Variants in LRMDA observed in about 807,000 individuals in gnomAD.
The protein encoded by LRMDA is leucine rich melanocyte differentiation associated, also known as leucine-rich melanocyte differentiation-associated protein.
LRMDA carries 18 observed loss-of-function variants against 29.8 expected under a neutral mutation model. The observed-to-expected ratio is 0.60, with a 90% CI of 0.42 to 0.90. The LOEUF is 0.90. LRMDA is among the 40% of genes least tolerant of loss of function. The probability of loss-of-function intolerance (pLI) is 0.00; values close to 1 mark genes in which losing one functional copy is unlikely to be tolerated. For synonymous variants in LRMDA, 125 were observed against 109.4 expected, an observed-to-expected ratio of 1.14 and a Z score of -0.89; for missense variants, 273 against 273.9, an observed-to-expected ratio of 1.00 and a Z score of 0.02.
At chr10:75,470,199 C>A (rs1308507786) in intron 2 of LRMDA, among the ~76,000 whole-genome samples, 1 of 152,100 alleles carries the variant, frequency 6.6e-6, no homozygotes, top group African/African-American at 2.4e-5. Context: ...CAGTGAAGAT[C>A]AAAACATAAA....
At chr10:76,073,373 A>G (rs1400303803) in intron 5 of LRMDA, among the ~76,000 whole-genome samples, 1 of 152,122 alleles carries the variant, frequency 6.6e-6, no homozygotes, top group African/African-American at 2.4e-5. Flanking sequence ...TGATGTGTTT[A>G]ATGTTTTACT....
chr10:75,695,404 T>C (rs1045243387), intron 2 of LRMDA, among the ~76,000 whole-genome samples: 1 of 152,130 alleles, frequency 6.6e-6, no homozygotes, highest in Non-Finnish European at 1.5e-5. Context: ...AGTTTTTTTT[T>C]TGCTTCTTAA....
At chr10:76,440,173 C>T (rs544997018) in intron 6 of LRMDA, among the ~76,000 whole-genome samples, 1 of 152,146 alleles carries the variant, frequency 6.6e-6, no homozygotes, top group Non-Finnish European at 1.5e-5. Flanking sequence ...GCAATGAGGG[C>T]AAAGAGAGTG....
At chr10:75,856,206 G>A (rs989128459) in intron 2 of LRMDA, among the ~76,000 whole-genome samples, 6 of 152,120 alleles carry the variant, frequency 3.9e-5, no homozygotes, top group African/African-American at 1.4e-4. Context: ...AGCATGGAAT[G>A]TTCTTCCATT....
chr10:76,008,082 G>A (rs1346745182), intron 2 of LRMDA, among the ~76,000 whole-genome samples: 1 of 152,066 alleles, frequency 6.6e-6, no homozygotes, highest in Non-Finnish European at 1.5e-5. Context: ...CTGCAGCATT[G>A]CCTCTAGGAT....
chr10:75,899,418 A>G (rs565308064), intron 2 of LRMDA, among the ~76,000 whole-genome samples: 9 of 152,336 alleles, frequency 5.9e-5, no homozygotes, highest in African/African-American at 2.2e-4. Flanking sequence ...CTACGTAAAG[A>G]CAAAGACTCA....
chr10:75,763,191 TC>T (rs1289927968), intron 2 of LRMDA, among the ~76,000 whole-genome samples: 5 of 152,226 alleles, frequency 3.3e-5, no homozygotes, highest in Non-Finnish European at 1.5e-5. Flanking sequence ...AAATCCAGTG[TC>T]CTTTGTTTCT....
chr10:76,190,284 A>G (rs1851221883), intron 5 of LRMDA, among the ~76,000 whole-genome samples: 1 of 147,624 alleles, frequency 6.8e-6, no homozygotes, highest in Non-Finnish European at 1.5e-5. Flanking sequence ...TTTCAAGCTG[A>G]ACAAGAATAC....
intron 2 of LRMDA, among the ~76,000 whole-genome samples, chr10:75,961,996 G>A (rs888986337): frequency 8.5e-5 from 13 of 152,138 alleles, no homozygotes; most frequent in African/African-American, 1.2e-4. Context: ...GCATCTCCCC[G>A]TGTGCATGTC....
At chr10:75,464,539 T>C (rs1844627799) in intron 2 of LRMDA, among the ~76,000 whole-genome samples, 1 of 152,232 alleles carries the variant, frequency 6.6e-6, no homozygotes, top group South Asian at 2.1e-4. Context: ...CTGTAGCTGA[T>C]ACTCATTTGG....
At chr10:75,900,640 A>G (rs1430009484) in intron 2 of LRMDA, among the ~76,000 whole-genome samples, 1 of 152,076 alleles carries the variant, frequency 6.6e-6, no homozygotes, top group African/African-American at 2.4e-5. Context: ...TGGAGGGGTT[A>G]ATGCACACAG....
At chr10:76,418,332 G>A (rs900205302) in intron 6 of LRMDA, among the ~76,000 whole-genome samples, 1 of 149,292 alleles carries the variant, frequency 6.7e-6, no homozygotes, top group Non-Finnish European at 1.5e-5. Flanking sequence ...TTTTTCTTGT[G>A]TGTGTGTGTG....
intron 2 of LRMDA, among the ~76,000 whole-genome samples, chr10:75,646,340 TCTTC>T (rs1273607600): frequency 1.3e-5 from 2 of 152,192 alleles, no homozygotes; most frequent in East Asian, 3.9e-4. Context: ...TCTTCTCCCT[TCTTC>T]CACCTCCCTC....
chr10:76,301,925 G>T (rs1840485726), intron 5 of LRMDA, among the ~76,000 whole-genome samples: 1 of 152,186 alleles, frequency 6.6e-6, no homozygotes, highest in Admixed American at 6.5e-5. Flanking sequence ...GATCACAGTA[G>T]TTTTAGAATT....
intron 2 of LRMDA, among the ~76,000 whole-genome samples, chr10:75,904,853 C>G (rs1273548734): frequency 6.6e-6 from 1 of 152,112 alleles, no homozygotes; most frequent in Admixed American, 6.6e-5. Flanking sequence ...CGGGGAGTCT[C>G]TCTTAGAGAT....
At chr10:76,547,494 C>CATTT (rs148952693) in intron 6 of LRMDA, among the ~76,000 whole-genome samples, 3,910 of 151,978 alleles carry the variant, frequency 0.026, 76 homozygotes, top group South Asian at 0.099. Context: ...TAGTTGCCGC[C>CATTT]ATTTATTTAT....
At chr10:75,921,381 C>T (rs1296524280) in intron 2 of LRMDA, among the ~76,000 whole-genome samples, 2 of 152,216 alleles carry the variant, frequency 1.3e-5, no homozygotes, top group African/African-American at 4.8e-5. Flanking sequence ...TGCAGAATGT[C>T]AGCCTAGTTC....
chr10:75,610,561 G>A (rs7081749), intron 2 of LRMDA, among the ~76,000 whole-genome samples: 98,869 of 151,982 alleles, frequency 0.65, 32,363 homozygotes, highest in African/African-American at 0.69. Context: ...TAGTCTCATC[G>A]TGGCCAGAAG....
chr10:76,045,319 G>A (rs1158092690), intron 3 of LRMDA, among the ~76,000 whole-genome samples: 1 of 128,078 alleles, frequency 7.8e-6, no homozygotes, highest in African/African-American at 3.1e-5. Context: ...CCCCTCTCTT[G>A]CTAGTTTCCC....
Sources: allele counts gnomAD v4.1 joint callset (sites outside exome capture counted in the v4.1 genomes callset), GRCh38; gene constraint gnomAD v4.1.1; transcripts MANE v1.5; gene names NCBI Gene and HGNC (gene_info 2026-07-23, HGNC 2026-07-21).